The following LCN9 variants were observed in gnomAD, a reference collection of about 807,000 sequenced individuals.
The protein encoded by LCN9 is lipocalin 9.
Under a neutral mutation model 18.5 loss-of-function variants are expected in LCN9, and 22 were observed. That is an observed-to-expected ratio of 1.19 (90% CI 0.85 to 1.70). The LOEUF is 1.70. Ranked by LOEUF, LCN9 falls within the 40% of genes most tolerant of loss-of-function variation. The pLI is 0.00. For synonymous variants in LCN9, 89 were observed against 83.0 expected (o/e 1.07, Z -0.39); for missense variants, 202 against 201.3 (o/e 1.00, Z -0.02).
At position 135,664,336 on chromosome 9, in the gene LCN9, C is replaced by T; in HGVS notation, c.233+38C>T. 1 of 1,611,832 alleles carries T rather than the reference C, an allele frequency of 6.2e-7. No homozygotes were observed. The highest frequency in any genetic ancestry group is 2.2e-5 in the East Asian group (1 of 44,872). ...CATCTCAGCTGGCATCAGGAAGACC[C>T]ATGCCCCTGCCACCCCAACGCATAC... On this transcript the variant is annotated intron_variant, in intron 2 of 5. Transcript: ENST00000619315. The surrounding 1 kb of genome is among the most constrained non-coding windows in gnomAD (Gnocchi z 4.5).
rs567571275 is a variant in LCN9 at position 135,663,751 on chromosome 9, AG to A, written c.96+339del. Reference sequence around the variant, plus strand: ...AGTATAGGGGAGACCTAGGGAAAAGAGGGGGACTCAGTGGGAAAGGGTGGAG... The same window carrying A: ...AGTATAGGGGAGACCTAGGGAAAAGAGGGGACTCAGTGGGAAAGGGTGGAG... On this transcript the variant is annotated intron_variant, in intron 1 of 5. Transcript: ENST00000619315. 2.4e-4 allele frequency among the ~76,000 whole-genome samples: 30 copies of A among 126,668 alleles called. No individual in the cohort carries two copies. The South Asian group carries it at 2.7e-3, about 11-fold the overall frequency. 83.1% of individuals were successfully genotyped at this position (126,668 alleles called of 152,430 possible).
Position 135,665,703 on chromosome 9 carries a change from C to G in LCN9, c.434C>G (p.Ala145Gly). 1 of 1,613,194 alleles carries G rather than the reference C, an allele frequency of 6.2e-7. No individual in the cohort carries two copies. The highest frequency in any genetic ancestry group is 8.5e-7 in the Non-Finnish European group (1 of 1,179,608). ...TCCTGAGCAGATTTGAAGAAACCTGCGAAAAGTACGGACTTGGCTCACAAA... is the reference window on the plus strand; with the variant it reads ...TCCTGAGCAGATTTGAAGAAACCTGGGAAAAGTACGGACTTGGCTCACAAA... Residue 145 changes from alanine (A) to glycine (G), a missense_variant, in exon 5 of 6, where the codon GCG (alanine) becomes GGG (glycine). Ala to Gly is a moderately conservative substitution (Grantham distance 60, BLOSUM62 0). Coordinates refer to ENST00000619315, the Ensembl canonical transcript of LCN9. The surrounding 1 kb of genome is among the most constrained non-coding windows in gnomAD (Gnocchi z 5.9).
chr9:135,665,417 A>T lies in LCN9; in HGVS notation c.418+62A>T. ...CCCACCTCCTCTGAAGTCCGGCCCA[A>T]CCCTGGGCGGAGGAGGGTCTCGCAG... On this transcript the variant is annotated intron_variant, in intron 4 of 5. Coordinates refer to ENST00000619315, the Ensembl canonical transcript of LCN9. This position sits in a 1 kb window ranked among gnomAD's most constrained non-coding sequence, Gnocchi z 5.9. The T allele has an allele frequency of 7.5e-7, 1 of 1,325,294 alleles. No homozygotes were observed. 82.1% of individuals were successfully genotyped at this position (1,325,294 alleles called of 1,614,324 possible).
chr9:135,665,607 C>T lies in LCN9; in HGVS notation c.419-81C>T, dbSNP rs996120592. On this transcript the variant is annotated intron_variant, in intron 4 of 5. Coordinates refer to ENST00000619315, the Ensembl canonical transcript of LCN9. This position sits in a 1 kb window ranked among gnomAD's most constrained non-coding sequence, Gnocchi z 5.9. ...CCCAGCCTCAGCACTTCCTGAGCAC[C>T]CCCAGCAAGGCCCAGCTTCACACAG... 5.0e-6 allele frequency: 7 copies of T among 1,406,860 alleles called. No individual in the cohort carries two copies. The African/African-American group carries it at 8.5e-5, about 17-fold the overall frequency. The allele number at this position is 1,406,860 out of a possible 1,614,324, so 87.1% of individuals were successfully genotyped here. A position where few individuals can be genotyped will look rare whatever the true frequency, so the allele number is the denominator to read the frequency against.
At chr9:135,663,382 C>T in exon 1 of LCN9, 1 of 1,613,956 alleles carries the variant, frequency 6.2e-7, no homozygotes, top group Non-Finnish European at 8.5e-7. Context: ...GTTCGATCCC[C>T]ACACCGTTAT....
rs970587616 is a variant in LCN9 at position 135,665,964 on chromosome 9, G to T, written c.*113G>T. ...TGGATGGGGAGAGCTTGGGGCCAACGTCAGAGGCTGCGGGGTCCCACCCCA... is the reference window on the plus strand; with the variant it reads ...TGGATGGGGAGAGCTTGGGGCCAACTTCAGAGGCTGCGGGGTCCCACCCCA... On this transcript the variant is annotated 3_prime_UTR_variant, in exon 6 of 6. Coordinates refer to ENST00000619315, the Ensembl canonical transcript of LCN9. The surrounding 1 kb of genome is among the most constrained non-coding windows in gnomAD (Gnocchi z 5.9). 4.4e-6 allele frequency: 7 copies of T among 1,599,822 alleles called. No homozygotes were observed. In the South Asian group the frequency reaches 5.5e-5, roughly 13 times the overall value.
At position 135,663,328 on chromosome 9, in the gene LCN9, C is replaced by G. The variant is rs766738571; in HGVS notation, c.7C>G (p.Leu3Val). The G allele has an allele frequency of 3.7e-6, 6 of 1,613,472 alleles. No homozygotes were observed. The African/African-American group carries it at 6.7e-5, about 18-fold the overall frequency. Reference sequence around the variant, plus strand: ...TGAGGCGTCCACGGCAAAGATGGCTCTGCTTCTGCTGAGCCTGGGGCTGAG... The same window carrying G: ...TGAGGCGTCCACGGCAAAGATGGCTGTGCTTCTGCTGAGCCTGGGGCTGAG... Residue 3 changes from leucine to valine, a missense_variant, in exon 1 of 6, where the codon CTG (leucine) becomes GTG (valine). Transcript: ENST00000619315.
Position 135,665,183 on chromosome 9 carries a change from C to T in LCN9, c.308-62C>T, listed in dbSNP as rs1224966230. On this transcript the variant is annotated intron_variant, in intron 3 of 5. Transcript: ENST00000619315. The surrounding 1 kb of genome is among the most constrained non-coding windows in gnomAD (Gnocchi z 5.9). The stretch of plus-strand genomic sequence containing the variant: ...CCCATCCTCACTTGCGGCCACACAG[C>T]ACGTGTCACAGGACCCTGAGGGTGG... 2.6e-6 allele frequency: 3 copies of T among 1,152,650 alleles called. No individual in the cohort carries two copies. The highest frequency in any genetic ancestry group is 1.3e-5 in the South Asian group (1 of 76,124). 71.4% of individuals were successfully genotyped at this position (1,152,650 alleles called of 1,614,324 possible). A position where few individuals can be genotyped will look rare whatever the true frequency, so the allele number is the denominator to read the frequency against.
chr9:135,664,201 G>A lies in LCN9; in HGVS notation c.136G>A (p.Asp46Asn), dbSNP rs1438296679. The A allele has an allele frequency of 1.8e-5, 29 of 1,613,586 alleles. No individual in the cohort carries two copies. Among genetic ancestry groups the A allele is most frequent in the Non-Finnish European group, 2.5e-5 (29 of 1,179,686 alleles). The change falls in exon 2 of 6, where the codon GAC becomes AAC. Residue 46 changes from aspartate to asparagine, a missense_variant. Transcript: ENST00000619315. This position sits in a 1 kb window ranked among gnomAD's most constrained non-coding sequence, Gnocchi z 4.5. ...GTATTCTATTTTCATGGCCTCAGAT[G>A]ACCTGAATCGGATTAAAGAAAATGG...
At position 135,664,645 on chromosome 9, in the gene LCN9, G is replaced by T; in HGVS notation, c.234-77G>T. ...ATTGGGAGGGTGAGCCTGTGCCCTG[G>T]AGGAGGGGTGCTCTCTGCCATCGCA... On this transcript the variant is annotated intron_variant, in intron 2 of 5. Transcript: ENST00000619315. The surrounding 1 kb of genome is among the most constrained non-coding windows in gnomAD (Gnocchi z 4.5). 7.7e-7 allele frequency: 1 copy of T among 1,306,112 alleles called. No homozygotes were observed. The highest frequency in any genetic ancestry group is 1.0e-6 in the Non-Finnish European group (1 of 953,202). 80.9% of individuals were successfully genotyped at this position (1,306,112 alleles called of 1,614,324 possible).
At chr9:135,666,253 A>G in exon 6 of LCN9, 2 of 1,075,072 alleles carry the variant, frequency 1.9e-6, no homozygotes, top group Non-Finnish European at 2.6e-6. Flanking sequence ...TGCTCCCTCC[A>G]CCAGCTCCCG....
At chr9:135,663,607 G>C (rs1208597753) in intron 1 of LCN9, among the ~76,000 whole-genome samples, 190 bp downstream of exon 1, 3 of 152,006 alleles carry the variant, frequency 2.0e-5, no homozygotes, top group Non-Finnish European at 4.4e-5. Flanking sequence ...AGGCCTGGGA[G>C]AGTGACTGGG....
In LCN9 at chr9:135,664,079, G is replaced by A. The variant is rs1834173489; in HGVS notation, c.97-83G>A. The A allele has an allele frequency of 6.7e-7, 1 of 1,492,502 alleles. No homozygotes were observed. Among genetic ancestry groups the A allele is most frequent in the East Asian group, 2.3e-5 (1 of 42,664 alleles). 92.5% of individuals were successfully genotyped at this position (1,492,502 alleles called of 1,614,324 possible). The stretch of plus-strand genomic sequence containing the variant: ...TGGGAGCCAGATGCTAAGGGGCCGG[G>A]CCCTGGGAGGGAAGACTGTGGGCGC... On this transcript the variant is annotated intron_variant, in intron 1 of 5. Coordinates refer to ENST00000619315, the Ensembl canonical transcript of LCN9. This position sits in a 1 kb window ranked among gnomAD's most constrained non-coding sequence, Gnocchi z 4.5.
exon 6 of LCN9, chr9:135,666,375 G>A (rs1834222291): frequency 2.0e-6 from 1 of 496,166 alleles, no homozygotes; most frequent in African/African-American, 1.9e-5. Context: ...TCTCTTCTAA[G>A]GACACTTGTC....
rs927185174 is a variant in LCN9 at position 135,665,471 on chromosome 9, C to T, written c.418+116C>T. The stretch of plus-strand genomic sequence containing the variant: ...CCCTGGGGTTTGGAGAGGTGGTTCC[C>T]GTTGGCTATTCCTTCCCACAGACAC... On this transcript the variant is annotated intron_variant, in intron 4 of 5. Transcript: ENST00000619315. This position sits in a 1 kb window ranked among gnomAD's most constrained non-coding sequence, Gnocchi z 5.9. The T allele has an allele frequency of 2.5e-5, 23 of 919,678 alleles. No homozygotes were observed. Among genetic ancestry groups the T allele is most frequent in the Admixed American group, 8.3e-5 (4 of 48,348 alleles). 57.0% of individuals were successfully genotyped at this position (919,678 alleles called of 1,614,324 possible).
chr9:135,665,475 G>A lies in LCN9; in HGVS notation c.418+120G>A. Reference sequence around the variant, plus strand: ...GGGGTTTGGAGAGGTGGTTCCCGTTGGCTATTCCTTCCCACAGACACACCG... The same window carrying A: ...GGGGTTTGGAGAGGTGGTTCCCGTTAGCTATTCCTTCCCACAGACACACCG... On this transcript the variant is annotated intron_variant, in intron 4 of 5. Coordinates refer to ENST00000619315, the Ensembl canonical transcript of LCN9. The surrounding 1 kb of genome is among the most constrained non-coding windows in gnomAD (Gnocchi z 5.9). The A allele has an allele frequency of 3.4e-6, 3 of 893,046 alleles. No individual in the cohort carries two copies. The South Asian group carries it at 4.5e-5, about 13-fold the overall frequency. 55.3% of individuals were successfully genotyped at this position (893,046 alleles called of 1,614,324 possible).
exon 6 of LCN9, chr9:135,666,396 G>C: frequency 2.3e-6 from 1 of 433,714 alleles, no homozygotes. Flanking sequence ...ATTGGATTTC[G>C]GGCCCATCTT....
At position 135,664,139 on chromosome 9, in the gene LCN9, C is replaced by G; in HGVS notation, c.97-23C>G. ...CCAGGGCTGTCCCGCGGCCCCCCAC[C>G]CACTGGAGCTCTTTGTCTTCAGGTT... On this transcript the variant is annotated intron_variant, in intron 1 of 5. Coordinates refer to ENST00000619315, the Ensembl canonical transcript of LCN9. This position sits in a 1 kb window ranked among gnomAD's most constrained non-coding sequence, Gnocchi z 4.5. 4 of 1,612,120 alleles carry G rather than the reference C, an allele frequency of 2.5e-6. No individual in the cohort carries two copies. The highest frequency in any genetic ancestry group is 1.7e-5 in the Admixed American group (1 of 59,736).
chr9:135,665,877 G>T lies in LCN9; in HGVS notation c.*26G>T. 1 of 1,613,004 alleles carries T rather than the reference G, an allele frequency of 6.2e-7. No homozygotes were observed. On this transcript the variant is annotated 3_prime_UTR_variant, in exon 6 of 6. Transcript: ENST00000619315. This position sits in a 1 kb window ranked among gnomAD's most constrained non-coding sequence, Gnocchi z 5.9. ...TCCTTCCAGATCCCTGCTACTCCAA[G>T]CATTACAGGAGCCCGCCCAGGCCTC...
Sources: gnomAD v4.1 joint callset for allele counts (sites outside exome capture counted in the v4.1 genomes callset) on GRCh38, gnomAD v4.1.1 for gene constraint, Gnocchi (gnomAD v3.1) non-coding constraint, MANE v1.5 for transcripts, NCBI Gene and HGNC (gene_info 2026-07-23, HGNC 2026-07-21) for gene names.